GON4L: variants seen among roughly 807,000 people sequenced by gnomAD.
The protein encoded by GON4L is GON-4-like protein.
In GON4L, 87 loss-of-function variants were observed where a neutral mutation model predicts 211.8. That is an observed-to-expected ratio of 0.41 (90% CI 0.35 to 0.49). The LOEUF (loss-of-function observed/expected upper bound fraction) is 0.49, where lower values mean the gene tolerates loss of function less well. GON4L is among the 20% of genes least tolerant of loss of function. GON4L has a pLI of 0.15. For synonymous variants in GON4L, 875 were observed against 962.6 expected, an observed-to-expected ratio of 0.91 and a Z score of 1.68; for missense variants, 2,155 against 2,659.5, an observed-to-expected ratio of 0.81 and a Z score of 4.17.
chr1:155,749,222 A>G, downstream of GON4L: 1 of 1,469,874 alleles, frequency 6.8e-7, no homozygotes, highest in Non-Finnish European at 9.3e-7. Flanking sequence ...ATTGCACTCC[A>G]GTCTGGGCAA....
intron 21 of GON4L, 112 bp downstream of exon 21, chr1:155,764,888 T>A (rs1350604796): frequency 6.3e-6 from 10 of 1,593,328 alleles, no homozygotes; most frequent in African/African-American, 1.3e-5. Context: ...ACAAATCAAA[T>A]ACAAATGATT....
Position 155,822,350 on chromosome 1 carries a change from C to T in GON4L, c.824G>A (p.Arg275His), listed in dbSNP as rs762092142. 2.5e-6 allele frequency: 4 copies of T among 1,613,894 alleles called. No individual in the cohort carries two copies. The African/African-American group carries it at 4.0e-5, about 16-fold the overall frequency. ...YDLKLDDMLD[R>H]TLEDGAKQHN... ...CTGCTTGGCACCATCCTCCAAGGTA[C>T]GGTCAAGCATGTCATCCAGTTTCAG... is the stretch of plus-strand genomic sequence containing the variant. The change falls in exon 4 of 32, where the codon CGT (arginine) becomes CAT (histidine). Residue 275 changes from arginine to histidine, a missense_variant. Around this residue, in one of 6 missense-constraint regions of GON4L, gnomAD observed 551 missense variants for 854.0 expected, o/e 0.65. Transcript: ENST00000368331.
intron 31 of GON4L, among the ~76,000 whole-genome samples, chr1:155,751,402 C>T (rs1660567072): frequency 6.6e-6 from 1 of 152,020 alleles, no homozygotes; most frequent in South Asian, 2.1e-4. Context: ...ATAAATTAGC[C>T]TGGCATGGTG....
rs762760202 is a variant in GON4L at position 155,765,358 on chromosome 1, G to A, written c.4115C>T (p.Thr1372Met). The change falls in exon 21 of 32, where the codon ACG becomes ATG. Residue 1372 changes from threonine (T) to methionine (M), a missense_variant. By Grantham distance (81) the Thr-to-Met change is moderately conservative. Transcript: ENST00000368331. ...TTCCTTCTGTAAGACTGTCTGTTTCGTTACTTCTCCAGCACTGCTCAACTC... is the reference window on the plus strand; with the variant it reads ...TTCCTTCTGTAAGACTGTCTGTTTCATTACTTCTCCAGCACTGCTCAACTC... ...SEELSSAGEVTKQTVLQKEEE... is the reference protein window; with the variant it reads ...SEELSSAGEVMKQTVLQKEEE... The A allele has an allele frequency of 1.2e-5, 20 of 1,613,958 alleles. No homozygotes were observed. Among genetic ancestry groups the A allele is most frequent in the Admixed American group, 1.7e-5 (1 of 59,986 alleles).
At chr1:155,805,167 CTGAG>C in intron 10 of GON4L, 26 bp from the exon 11 acceptor site, 1 of 1,516,916 alleles carries the variant, frequency 6.6e-7, no homozygotes, top group Non-Finnish European at 9.2e-7. Flanking sequence ...AGAAAAGTCA[CTGAG>C]TGAGTGATGT....
intron 2 of GON4L, among the ~76,000 whole-genome samples, chr1:155,851,624 G>A (rs1345711859): frequency 3.3e-5 from 5 of 151,728 alleles, no homozygotes; most frequent in Admixed American, 2.0e-4. Context: ...GCTGAGGCAG[G>A]AGAATCACTT....
At chr1:155,756,009 G>C (rs75416543) in intron 27 of GON4L, among the ~76,000 whole-genome samples, 3,083 of 150,712 alleles carry the variant, frequency 0.02, 108 homozygotes, top group African/African-American at 0.072. Context: ...TGCTTGAAGA[G>C]CAGTGACAAC....
chr1:155,816,678 A>G (rs1033350791), intron 6 of GON4L, among the ~76,000 whole-genome samples: 11 of 151,456 alleles, frequency 7.3e-5, no homozygotes, highest in Non-Finnish European at 1.0e-4. Context: ...TGAATCCACC[A>G]TAAGTACAAC....
At position 155,826,933 on chromosome 1, in the gene GON4L, G is replaced by A. The variant is rs569896518; in HGVS notation, c.601C>T (p.Pro201Ser). The A allele has an allele frequency of 2.5e-6, 4 of 1,613,682 alleles. No homozygotes were observed. The South Asian group carries it at 4.4e-5, about 18-fold the overall frequency. The stretch of plus-strand genomic sequence containing the variant: ...TCTTGAGGAGAGGCACAAACATCTG[G>A]CTGGGTTGATTTCCTGGGCTGGCTT... ...PVSQPRKSTQ[P>S]DVCASPQEKP... The change falls in exon 3 of 32, where the codon CCA (proline) becomes TCA (serine). Residue 201 changes from proline to serine, a missense_variant. Transcript: ENST00000368331.
chr1:155,824,434 CAAAAAAAAAA>C (rs769823401), intron 3 of GON4L, among the ~76,000 whole-genome samples: 12 of 7,438 alleles, frequency 1.6e-3, no homozygotes, highest in African/African-American at 3.1e-3. Flanking sequence ...AACTCCACAT[CAAAAAAAAAA>C]AAAAAAAAAA....
At chr1:155,775,471 T>TC (rs200250691) in intron 16 of GON4L, among the ~76,000 whole-genome samples, 164 of 148,462 alleles carry the variant, frequency 1.1e-3, no homozygotes, top group Middle Eastern at 0.01. Context: ...TTTTTTTTTT[T>TC]CGAGACGGAG....
intron 2 of GON4L, among the ~76,000 whole-genome samples, chr1:155,851,454 G>A (rs939867179): frequency 6.6e-6 from 1 of 151,700 alleles, no homozygotes; most frequent in East Asian, 2.0e-4. Context: ...AGTGGCTCAC[G>A]CCTGTAATCC....
chr1:155,821,553 A>G lies in GON4L; in HGVS notation c.889-5T>C, dbSNP rs751007422. On this transcript the variant is annotated splice_region_variant and splice_polypyrimidine_tract_variant and intron_variant, in intron 4 of 31. Transcript: ENST00000368331. ...GTGTTCATTTGTGATTACTTCCTGG[A>G]GAAAGATGAAATTTCACTTTATGCA... 6.3e-7 allele frequency: 1 copy of G among 1,576,868 alleles called. No individual in the cohort carries two copies.
chr1:155,827,682 TCA>T (rs368852210), intron 2 of GON4L, among the ~76,000 whole-genome samples: 5,151 of 83,966 alleles, frequency 0.061, 252 homozygotes, highest in African/African-American at 0.13. Flanking sequence ...CAAGACCCCG[TCA>T]CACACACACA....
chr1:155,808,968 T>C (rs899389267), intron 10 of GON4L, among the ~76,000 whole-genome samples: 4 of 152,032 alleles, frequency 2.6e-5, no homozygotes, highest in African/African-American at 4.8e-5. Flanking sequence ...TGCTGGAGTA[T>C]AGGGGTGCAG....
At chr1:155,786,733 G>T (rs1664980561) in intron 12 of GON4L, among the ~76,000 whole-genome samples, 1 of 152,018 alleles carries the variant, frequency 6.6e-6, no homozygotes, top group Non-Finnish European at 1.5e-5. Flanking sequence ...CAAATCAACT[G>T]GATGCAACAT....
rs752639221 is a variant in GON4L at position 155,752,019 on chromosome 1, C to T, written c.6414G>A (p.Thr2138=). The change falls in exon 30 of 32, where the codon ACG becomes ACA. Residue 2138 remains threonine, a synonymous_variant. Transcript: ENST00000368331. The part of the protein sequence containing the change: ...GEQQPKAAEA[T]VCANNSKVSS... The stretch of plus-strand genomic sequence containing the variant: ...TGACCTTGCTGTTGTTGGCACACAC[C>T]GTAGCTTCTGCGGCCTTTGGCTGCT... 18 of 1,613,508 alleles carry T rather than the reference C, an allele frequency of 1.1e-5. No individual in the cohort carries two copies. Among genetic ancestry groups the T allele is most frequent in the East Asian group, 2.2e-5 (1 of 44,890 alleles).
At chr1:155,786,959 T>C (rs1347557370) in intron 12 of GON4L, among the ~76,000 whole-genome samples, 1 of 151,500 alleles carries the variant, frequency 6.6e-6, no homozygotes, top group Non-Finnish European at 1.5e-5. Context: ...TCTTGCTCTG[T>C]CGCCCAGGCT....
chr1:155,748,316 G>T, downstream of GON4L: 1 of 1,401,608 alleles, frequency 7.1e-7, no homozygotes, highest in South Asian at 1.2e-5. Context: ...TTCATCCCCT[G>T]GGTCTCTCTG....
Sources: gnomAD v4.1 joint callset for allele counts (sites outside exome capture counted in the v4.1 genomes callset) on GRCh38, gnomAD v4.1.1 for gene constraint, gnomAD v4.1.1 regional missense constraint, MANE v1.5 for transcripts, NCBI Gene and HGNC (gene_info 2026-07-23, HGNC 2026-07-21) for gene names.